Variants in ZNF280D observed in about 807,000 individuals in gnomAD.
ZNF280D encodes suppressor of hairy wing homolog 4.
A neutral mutation model predicts 94.7 loss-of-function variants in ZNF280D; 39 were observed. That is an observed-to-expected ratio of 0.41 (90% CI 0.32 to 0.54). The LOEUF (loss-of-function observed/expected upper bound fraction) is 0.54, where lower values mean the gene tolerates loss of function less well. ZNF280D is among the 20% of genes least tolerant of loss of function. ZNF280D has a pLI of 0.22. For synonymous variants in ZNF280D, 398 were observed against 377.6 expected, an observed-to-expected ratio of 1.05 and a Z score of -0.63; for missense variants, 1,090 against 1,149.3, an observed-to-expected ratio of 0.95 and a Z score of 0.75.
rs1465559629 is a variant in ZNF280D, at chr15:56,654,835, C to T, written c.2058-332G>A. ...GGCAAGTCACATTCTATTTGTCCTC[C>T]CACGCATCTGCAAAGTGAACATAGC... On this transcript the variant is annotated intron_variant, in intron 17 of 21. Transcript: ENST00000267807. 9 of 468,844 alleles carry T rather than the reference C, an allele frequency of 1.9e-5. No homozygotes were observed. The Admixed American group carries it at 2.1e-4, about 11-fold the overall frequency. The allele number at this position is 468,844 out of a possible 1,614,324, so 29.0% of individuals were successfully genotyped here. A position where few individuals can be genotyped will look rare whatever the true frequency, so the allele number is the denominator to read the frequency against.
chr15:56,718,585 T>C (rs1043285035), intron 1 of ZNF280D, among the ~76,000 whole-genome samples: 6 of 152,218 alleles, frequency 3.9e-5, no homozygotes, highest in Non-Finnish European at 8.8e-5. Flanking sequence ...AGTACAGTTA[T>C]TAAAAGCTTT....
At chr15:56,674,287 T>A (rs2055067777) in intron 13 of ZNF280D, among the ~76,000 whole-genome samples, 1 of 152,078 alleles carries the variant, frequency 6.6e-6, no homozygotes, top group Admixed American at 6.6e-5. Flanking sequence ...TGGACTCAAG[T>A]CTTACACATC....
At chr15:56,703,831 C>T (rs756288011) in intron 4 of ZNF280D, among the ~76,000 whole-genome samples, 13 of 151,236 alleles carry the variant, frequency 8.6e-5, no homozygotes, top group Non-Finnish European at 1.6e-4. Context: ...TCCAGACTAG[C>T]GACAGAGTGA....
intron 9 of ZNF280D, among the ~76,000 whole-genome samples, chr15:56,684,868 A>G (rs2055889570): frequency 6.6e-6 from 1 of 152,214 alleles, no homozygotes; most frequent in Admixed American, 6.5e-5. Flanking sequence ...ACAGGTTGAA[A>G]GAACAAGGTG....
At chr15:56,654,291 GAAT>G (rs2053394003) in intron 18 of ZNF280D, 57 bp from the exon 19 acceptor site, 19 of 1,597,460 alleles carry the variant, frequency 1.2e-5, no homozygotes, top group Non-Finnish European at 1.4e-5. Context: ...TGATGAGTGA[GAAT>G]AATGATTTAG....
At chr15:56,678,976 T>C (rs2055433993) in intron 10 of ZNF280D, among the ~76,000 whole-genome samples, 155 bp from the exon 11 acceptor site, 1 of 152,240 alleles carries the variant, frequency 6.6e-6, no homozygotes, top group African/African-American at 2.4e-5. Flanking sequence ...CACTTTTAAA[T>C]AATCACTTTC....
In ZNF280D at chr15:56,688,268, G is replaced by A. The variant is rs749977649; in HGVS notation, c.780+773C>T. 2.5e-4 allele frequency among the ~76,000 whole-genome samples: 38 copies of A among 151,842 alleles called. 1 individual carries two copies. Among genetic ancestry groups the A allele is most frequent in the Admixed American group, 4.6e-4 (7 of 15,230 alleles). Reference sequence around the variant, plus strand: ...AGCACTTTAGGAGGTTGAGGCGGGCGGATCACGAGGTCAGGAGATCGAGAC... The same window carrying A: ...AGCACTTTAGGAGGTTGAGGCGGGCAGATCACGAGGTCAGGAGATCGAGAC... On this transcript the variant is annotated intron_variant, in intron 9 of 21. Transcript: ENST00000267807.
intron 19 of ZNF280D, among the ~76,000 whole-genome samples, chr15:56,646,646 A>G (rs1369235040): frequency 3.9e-5 from 6 of 152,228 alleles, no homozygotes; most frequent in Admixed American, 3.9e-4. Context: ...TACATATTTC[A>G]GGGATTGTAC....
intron 21 of ZNF280D, chr15:56,634,115 A>G (rs902636790): frequency 1.3e-5 from 2 of 152,138 alleles, no homozygotes; most frequent in African/African-American, 4.8e-5. Context: ...AATTATTTGT[A>G]TCATTTTTGT....
chr15:56,723,364 C>A (rs2058473720), intron 1 of ZNF280D, among the ~76,000 whole-genome samples: 1 of 152,078 alleles, frequency 6.6e-6, no homozygotes, highest in Non-Finnish European at 1.5e-5. Flanking sequence ...TGAAAGAAGT[C>A]AGTCACACAG....
Position 56,682,438 on chromosome 15 carries a change from C to T in ZNF280D, c.820G>A (p.Ala274Thr), listed in dbSNP as rs1481650383. 1.3e-6 allele frequency: 2 copies of T among 1,568,938 alleles called. No homozygotes were observed. The highest frequency in any genetic ancestry group is 1.4e-5 in the African/African-American group (1 of 70,878). ...PDMINNFLGL[A>T]KTEFSSTVNK... ...ACTGTACTTGAAAATTCTGTTTTAG[C>T]CAGTCCCAAAAAGTTATTTATCATG... The change falls in exon 10 of 22, where the codon GCT (alanine) becomes ACT (threonine). Residue 274 changes from alanine to threonine, a missense_variant. Coordinates refer to ENST00000267807, the MANE Select transcript of ZNF280D (RefSeq NM_017661.4).
intron 3 of ZNF280D, among the ~76,000 whole-genome samples, chr15:56,705,385 C>G (rs1449374423): frequency 1.3e-5 from 2 of 152,158 alleles, no homozygotes; most frequent in Non-Finnish European, 2.9e-5. Context: ...ATCTTTCCTT[C>G]TCAGTTTTAC....
intron 1 of ZNF280D, among the ~76,000 whole-genome samples, chr15:56,709,680 T>C (rs986244854): frequency 2.6e-5 from 4 of 152,068 alleles, no homozygotes; most frequent in Non-Finnish European, 5.9e-5. Context: ...TATGCAGCCA[T>C]AAAAAAGGAT....
intron 9 of ZNF280D, among the ~76,000 whole-genome samples, chr15:56,684,918 T>C (rs763929080): frequency 1.3e-5 from 2 of 151,844 alleles, no homozygotes; most frequent in Non-Finnish European, 1.5e-5. Context: ...CAACACCAAG[T>C]TATATCATTA....
intron 13 of ZNF280D, among the ~76,000 whole-genome samples, chr15:56,676,294 T>TCTTCCTCAG (rs150110743): frequency 0.041 from 6,246 of 152,196 alleles, 384 homozygotes; most frequent in African/African-American, 0.14. Context: ...CTCAGTCTTT[T>TCTTCCTCAG]CTTCCTCAGT....
chr15:56,679,437 T>C (rs1181551305), intron 10 of ZNF280D, among the ~76,000 whole-genome samples: 1 of 152,244 alleles, frequency 6.6e-6, no homozygotes, highest in Non-Finnish European at 1.5e-5. Context: ...TTAATGATAC[T>C]GGTTTACTGT....
chr15:56,697,099 G>A (rs2056794667), intron 6 of ZNF280D, among the ~76,000 whole-genome samples: 1 of 151,834 alleles, frequency 6.6e-6, no homozygotes. Flanking sequence ...AAGCATAAAA[G>A]AAACCACTAA....
At chr15:56,664,697 T>A (rs1371465474) in intron 16 of ZNF280D, among the ~76,000 whole-genome samples, 2 of 152,126 alleles carry the variant, frequency 1.3e-5, no homozygotes, top group East Asian at 1.9e-4. Context: ...AGATCTTTTT[T>A]AAAAAAATAA....
chr15:56,708,808 T>C (rs1268075083), intron 1 of ZNF280D, among the ~76,000 whole-genome samples: 2 of 151,968 alleles, frequency 1.3e-5, no homozygotes, highest in Admixed American at 6.6e-5. Flanking sequence ...TAGCCATATG[T>C]AGAAAGCTGA....
Sources: allele counts gnomAD v4.1 joint callset (sites outside exome capture counted in the v4.1 genomes callset), GRCh38; gene constraint gnomAD v4.1.1; transcripts MANE v1.5; gene names NCBI Gene and HGNC (gene_info 2026-07-23, HGNC 2026-07-21).